Variants in TIAM1 observed in about 807,000 individuals in gnomAD.
The protein encoded by TIAM1 is rho guanine nucleotide exchange factor TIAM1.
TIAM1 carries 65 observed loss-of-function variants against 163.5 expected under a neutral mutation model. That is an observed-to-expected ratio of 0.40 (90% CI 0.33 to 0.49). The LOEUF is 0.49. Ranked by LOEUF, TIAM1 falls within the 20% of genes least tolerant of loss-of-function variation. TIAM1 has a pLI of 0.77. For missense variants in TIAM1, 1,789 were observed against 2,044.7 expected (o/e 0.87, Z 2.41); for synonymous variants, 833 against 810.1 (o/e 1.03, Z -0.48).
intron 19 of TIAM1, among the ~76,000 whole-genome samples, chr21:31,147,414 A>T (rs1458863527): frequency 6.6e-6 from 1 of 151,958 alleles, no homozygotes; most frequent in African/African-American, 2.4e-5. Flanking sequence ...GAAGCAGAAA[A>T]CATGTTCCTC....
At chr21:31,520,534 G>T (rs890544774) in intron 1 of TIAM1, among the ~76,000 whole-genome samples, 1 of 152,178 alleles carries the variant, frequency 6.6e-6, no homozygotes, top group Admixed American at 6.5e-5. Context: ...AACAGCAAAA[G>T]GAAAGAAATG....
At chr21:31,510,599 G>A (rs1444452285) in intron 1 of TIAM1, among the ~76,000 whole-genome samples, 1 of 152,132 alleles carries the variant, frequency 6.6e-6, no homozygotes, top group Non-Finnish European at 1.5e-5. Flanking sequence ...GATTGCCTGA[G>A]GTCAGGAGTT....
At chr21:31,175,352 C>G (rs1227403328) in intron 15 of TIAM1, among the ~76,000 whole-genome samples, 2 of 152,146 alleles carry the variant, frequency 1.3e-5, no homozygotes, top group African/African-American at 4.8e-5. Context: ...CACAGCACAG[C>G]TGTATAAACC....
intron 1 of TIAM1, among the ~76,000 whole-genome samples, chr21:31,481,917 C>G (rs1602386395): frequency 1.3e-5 from 2 of 152,090 alleles, no homozygotes; most frequent in East Asian, 3.9e-4. Context: ...AAGTTTCAAC[C>G]CTCTAATCAC....
chr21:31,520,903 C>G (rs1234551909), intron 1 of TIAM1, among the ~76,000 whole-genome samples: 1 of 152,216 alleles, frequency 6.6e-6, no homozygotes, highest in African/African-American at 2.4e-5. Context: ...CTGCCTTTTC[C>G]GTAAGGTGAA....
intron 2 of TIAM1, among the ~76,000 whole-genome samples, chr21:31,451,709 ATGTGTGTGCGTGTGTG>A (rs1314028251): frequency 2.9e-4 from 12 of 41,590 alleles, no homozygotes; most frequent in East Asian, 1.0e-3. Flanking sequence ...GAGTGAAAGC[ATGTGTGTGCGTGTGTG>A]TGTGTGTGTG....
At chr21:31,325,165 T>C (rs1193675309) in intron 2 of TIAM1, among the ~76,000 whole-genome samples, 1 of 151,166 alleles carries the variant, frequency 6.6e-6, no homozygotes, top group Non-Finnish European at 1.5e-5. Flanking sequence ...GCAGCCGTAG[T>C]CCCACCTACT....
At chr21:31,161,109 T>G (rs2146351146) in intron 16 of TIAM1, among the ~76,000 whole-genome samples, 1 of 151,806 alleles carries the variant, frequency 6.6e-6, no homozygotes, top group Middle Eastern at 3.4e-3. Flanking sequence ...ATTTTTCCAC[T>G]CATGCTTTGT....
chr21:31,313,880 T>C (rs1208572736), intron 2 of TIAM1, among the ~76,000 whole-genome samples: 2 of 152,200 alleles, frequency 1.3e-5, no homozygotes, highest in Non-Finnish European at 2.9e-5. Context: ...CTCAGCACAC[T>C]TTTTTAAAAA....
intron 1 of TIAM1, among the ~76,000 whole-genome samples, chr21:31,515,554 C>T (rs1458427335): frequency 6.6e-6 from 1 of 152,286 alleles, no homozygotes; most frequent in East Asian, 1.9e-4. Flanking sequence ...AAGCTAGGCA[C>T]CCTATAAACA....
At chr21:31,423,223 C>T (rs190062862) in intron 2 of TIAM1, among the ~76,000 whole-genome samples, 116 of 151,254 alleles carry the variant, frequency 7.7e-4, no homozygotes, top group Non-Finnish European at 1.5e-3. Flanking sequence ...CTCAGTCTCC[C>T]GAGTAGCTGG....
chr21:31,355,950 C>A (rs928938229), intron 2 of TIAM1, among the ~76,000 whole-genome samples: 1 of 152,168 alleles, frequency 6.6e-6, no homozygotes, highest in African/African-American at 2.4e-5. Context: ...AGAGCAGGCA[C>A]TTTTATCCAT....
At position 31,223,401 on chromosome 21, in the gene TIAM1, C is replaced by G. The variant is rs2087741618; in HGVS notation, c.1995+5G>C. 6.2e-7 allele frequency: 1 copy of G among 1,602,998 alleles called. No individual in the cohort carries two copies. The highest frequency in any genetic ancestry group is 8.5e-7 in the Non-Finnish European group (1 of 1,174,048). Reference sequence around the variant, plus strand: ...TTTTTCAAAAATTCATTAGCTTCTACTCACCAGGGCATGAAACGATGATAC... The same window carrying G: ...TTTTTCAAAAATTCATTAGCTTCTAGTCACCAGGGCATGAAACGATGATAC... On this transcript the variant is annotated splice_donor_5th_base_variant and intron_variant, in intron 8 of 27. Transcript: ENST00000541036.
chr21:31,441,052 A>G (rs915905251), intron 2 of TIAM1, among the ~76,000 whole-genome samples: 2 of 152,220 alleles, frequency 1.3e-5, no homozygotes, highest in African/African-American at 4.8e-5. Flanking sequence ...GAGTCACAGC[A>G]AGATGATTAT....
At chr21:31,122,302 TGAG>T (rs1163576073) in intron 27 of TIAM1, among the ~76,000 whole-genome samples, 2 of 152,216 alleles carry the variant, frequency 1.3e-5, no homozygotes, top group Non-Finnish European at 2.9e-5. Context: ...TGACTTCTAT[TGAG>T]AAGAGACAAA....
chr21:31,400,529 A>G (rs918190259), intron 2 of TIAM1, among the ~76,000 whole-genome samples: 1 of 152,202 alleles, frequency 6.6e-6, no homozygotes, highest in Non-Finnish European at 1.5e-5. Context: ...CTGCACTCCT[A>G]TATCCCAACT....
chr21:31,486,570 C>T (rs2046279745), intron 1 of TIAM1, among the ~76,000 whole-genome samples: 1 of 152,210 alleles, frequency 6.6e-6, no homozygotes, highest in African/African-American at 2.4e-5. Flanking sequence ...CTTGGTTGTG[C>T]CTTTTTACAT....
chr21:31,229,900 G>A lies in TIAM1; in HGVS notation c.1585-3950C>T, dbSNP rs533958029. On this transcript the variant is annotated intron_variant, in intron 6 of 27. Transcript: ENST00000541036. ...ACTCCTGACCTCAGGTGATCCACCCGCCTCGGCCTCCCAAACTGCTGGGAT... is the reference window on the plus strand; with the variant it reads ...ACTCCTGACCTCAGGTGATCCACCCACCTCGGCCTCCCAAACTGCTGGGAT... Among the ~76,000 whole-genome samples, 6 of 152,236 alleles carry A rather than the reference G, an allele frequency of 3.9e-5. No homozygotes were observed. The South Asian group carries it at 6.2e-4, about 16-fold the overall frequency.
At chr21:31,479,075 C>T (rs1345535302) in intron 1 of TIAM1, among the ~76,000 whole-genome samples, 1 of 152,144 alleles carries the variant, frequency 6.6e-6, no homozygotes. Context: ...ACTATTGAGA[C>T]AAGGAACAAA....
Sources: gnomAD v4.1 joint callset for allele counts (sites outside exome capture counted in the v4.1 genomes callset) on GRCh38, gnomAD v4.1.1 for gene constraint, MANE v1.5 for transcripts, NCBI Gene and HGNC (gene_info 2026-07-23, HGNC 2026-07-21) for gene names.